The following KANK1 variants were observed in gnomAD, a reference collection of about 807,000 sequenced individuals.
The protein encoded by KANK1 is KN motif and ankyrin repeat domain-containing protein 1.
A neutral mutation model predicts 106.2 loss-of-function variants in KANK1; 109 were observed. The ratio of observed to expected loss-of-function variants is 1.03; its 90% CI spans 0.88 to 1.20. The LOEUF is 1.20. KANK1 is among the 50% of genes most tolerant of loss of function. KANK1 has a pLI of 0.00. For missense variants in KANK1, 2,399 were observed against 1,710.7 expected (o/e 1.40, Z -7.10); for synonymous variants, 873 against 652.2 (o/e 1.34, Z -5.16).
intron 1 of KANK1, among the ~76,000 whole-genome samples, chr9:627,882 A>G (rs1588383436): frequency 6.6e-6 from 1 of 152,352 alleles, no homozygotes; most frequent in East Asian, 1.9e-4. Flanking sequence ...CAGTATTTAT[A>G]TATTCACTAA....
At chr9:487,105 A>G (rs1361382251) in intron 3 of KANK1, among the ~76,000 whole-genome samples, 1 of 152,202 alleles carries the variant, frequency 6.6e-6, no homozygotes, top group Non-Finnish European at 1.5e-5. Flanking sequence ...GCCAGTGGAT[A>G]TATACAAGAT....
chr9:669,136 G>A (rs9408666), intron 1 of KANK1, among the ~76,000 whole-genome samples: 85,448 of 151,964 alleles, frequency 0.56, 25,200 homozygotes, highest in East Asian at 0.88. Flanking sequence ...CTGAATTTAC[G>A]TATTTTGATA....
chr9:653,671 G>A (rs892370257), intron 1 of KANK1, among the ~76,000 whole-genome samples: 1 of 152,066 alleles, frequency 6.6e-6, no homozygotes, highest in African/African-American at 2.4e-5. Context: ...CCTTTGTCTT[G>A]TGCTCCCCTG....
intron 1 of KANK1, among the ~76,000 whole-genome samples, chr9:546,438 G>A (rs1000242633): frequency 1.8e-4 from 27 of 152,020 alleles, no homozygotes; most frequent in Non-Finnish European, 1.0e-4. Flanking sequence ...AAACGCTGGT[G>A]TCTGTGACCC....
At chr9:559,268 C>T (rs1248521257) in intron 1 of KANK1, among the ~76,000 whole-genome samples, 2 of 152,034 alleles carry the variant, frequency 1.3e-5, no homozygotes, top group Admixed American at 6.6e-5. Context: ...GAGGTTTTTG[C>T]AGAGATCATC....
In KANK1 at chr9:745,230, G is replaced by C; in HGVS notation, c.4054G>C (p.Asp1352His). Residue 1352 changes from aspartate to histidine, a missense_variant, in exon 12 of 12, where the codon GAT becomes CAT. By Grantham distance (81) the Asp-to-His change is moderately conservative. Coordinates refer to ENST00000382297, the MANE Select transcript of KANK1 (RefSeq NM_015158.5). ...TGGCCCCACCCACCGAGGTTCATTT[G>C]ATTGATTGTATGCAAATAGCCCTTT... The part of the protein sequence containing the change: ...SPGPTHRGSF[D>H] 3 of 1,614,100 alleles carry C rather than the reference G, an allele frequency of 1.9e-6. No individual in the cohort carries two copies. The highest frequency in any genetic ancestry group is 1.7e-6 in the Non-Finnish European group (2 of 1,179,980).
At chr9:609,339 A>G (rs1830051309) in intron 1 of KANK1, among the ~76,000 whole-genome samples, 1 of 152,112 alleles carries the variant, frequency 6.6e-6, no homozygotes, top group East Asian at 1.9e-4. Context: ...TTTAAATAGA[A>G]TCAATAGGCT....
rs185056895 is a variant in KANK1 at position 709,782 on chromosome 9, A to G, written c.38-1022A>G. Among the ~76,000 whole-genome samples the G allele has an allele frequency of 6.5e-4, 98 of 151,798 alleles. 3 individuals carry two copies. The highest frequency in any genetic ancestry group is 5.6e-3 in the Admixed American group (86 of 15,234). On this transcript the variant is annotated intron_variant, in intron 2 of 11. Transcript: ENST00000382297. Reference sequence around the variant, plus strand: ...AGGCGCCTGCCACCATGCCCAGCCAATTTTTTATTTTTAGTAGGGACGAGG... The same window carrying G: ...AGGCGCCTGCCACCATGCCCAGCCAGTTTTTTATTTTTAGTAGGGACGAGG...
chr9:558,043 T>C (rs1257943460), intron 1 of KANK1, among the ~76,000 whole-genome samples: 4 of 152,124 alleles, frequency 2.6e-5, no homozygotes, highest in African/African-American at 9.7e-5. Flanking sequence ...ATGGTAGGAA[T>C]GTCAAGGAAC....
At chr9:514,143 CCTTCCTCT>C (rs1563696797) in intron 1 of KANK1, among the ~76,000 whole-genome samples, 13 of 67,276 alleles carry the variant, frequency 1.9e-4, no homozygotes, top group African/African-American at 1.8e-3. Flanking sequence ...TCCCTCCCTC[CCTTCCTCT>C]CTCCCTCCCT....
At chr9:739,023 T>C (rs561072159) in intron 8 of KANK1, among the ~76,000 whole-genome samples, 1 of 152,314 alleles carries the variant, frequency 6.6e-6, no homozygotes, top group East Asian at 1.9e-4. Flanking sequence ...CACCAAAATA[T>C]ACTGTTATTG....
upstream of KANK1, among the ~76,000 whole-genome samples, chr9:500,370 G>A (rs995669126): frequency 6.6e-6 from 1 of 152,176 alleles, no homozygotes; most frequent in Non-Finnish European, 1.5e-5. Context: ...ATGGAAACTG[G>A]CTTTAATGTA....
intron 1 of KANK1, among the ~76,000 whole-genome samples, chr9:582,471 C>G (rs1325669872): frequency 6.6e-6 from 1 of 152,156 alleles, no homozygotes; most frequent in Non-Finnish European, 1.5e-5. Flanking sequence ...CAAAGAAACT[C>G]ATCTACCAGC....
At chr9:700,668 C>T (rs913927493) in intron 2 of KANK1, among the ~76,000 whole-genome samples, 4 of 152,194 alleles carry the variant, frequency 2.6e-5, no homozygotes, top group Non-Finnish European at 4.4e-5. Flanking sequence ...CTCAGCTCTT[C>T]AAGCAAAATC....
At chr9:717,224 G>A (rs1827965417) in intron 3 of KANK1, among the ~76,000 whole-genome samples, 1 of 152,216 alleles carries the variant, frequency 6.6e-6, no homozygotes, top group East Asian at 1.9e-4. Context: ...GGTGGAGGCT[G>A]CAGTGAGCCA....
rs1291784565 is a variant in KANK1, at chr9:711,916, A to T, written c.1150A>T (p.Ser384Cys). 1 of 1,614,218 alleles carries T rather than the reference A, an allele frequency of 6.2e-7. No individual in the cohort carries two copies. Among genetic ancestry groups the T allele is most frequent in the Admixed American group, 1.7e-5 (1 of 60,030 alleles). The change falls in exon 3 of 12, where the codon AGC becomes TGC. Residue 384 changes from serine to cysteine, a missense_variant. Physicochemically the swap from Ser to Cys is moderately radical, Grantham distance 112. Coordinates refer to ENST00000382297, the MANE Select transcript of KANK1 (RefSeq NM_015158.5). ...AGCCCTGGAGCAGAAGATCCAGGACAGCAGCTGTGAGGCCTCCTCAGAGCT... is the reference window on the plus strand; with the variant it reads ...AGCCCTGGAGCAGAAGATCCAGGACTGCAGCTGTGAGGCCTCCTCAGAGCT... ...MQALEQKIQD[S>C]SCEASSELRE...
In KANK1 at chr9:544,927, C is replaced by T. The variant is rs563877752; in HGVS notation, c.-84+40173C>T. On this transcript the variant is annotated intron_variant, in intron 1 of 11. Coordinates refer to ENST00000382297, the MANE Select transcript of KANK1 (RefSeq NM_015158.5). ...AAGTTTTAAGTTGGTAGGTGAAGTG[C>T]TGGCTGGAGGAATCCCTCCAGCTTG... 3.3e-5 allele frequency among the ~76,000 whole-genome samples: 5 copies of T among 152,194 alleles called. No homozygotes were observed. In the East Asian group the frequency reaches 7.7e-4, roughly 24 times the overall value.
At chr9:522,480 G>A (rs2059597079) in intron 1 of KANK1, among the ~76,000 whole-genome samples, 1 of 151,434 alleles carries the variant, frequency 6.6e-6, no homozygotes, top group African/African-American at 2.4e-5. Context: ...GGCATACTGG[G>A]GGTACTCAGT....
chr9:594,461 T>C (rs980561831), intron 1 of KANK1, among the ~76,000 whole-genome samples: 2 of 151,920 alleles, frequency 1.3e-5, no homozygotes, highest in African/African-American at 2.4e-5. Context: ...GTAGGAGTTA[T>C]GATTTCTTTT....
Sources: gnomAD v4.1 joint callset for allele counts (sites outside exome capture counted in the v4.1 genomes callset) on GRCh38, gnomAD v4.1.1 for gene constraint, MANE v1.5 for transcripts, NCBI Gene and HGNC (gene_info 2026-07-23, HGNC 2026-07-21) for gene names.